The following ADARB1 variants were observed in gnomAD, a reference collection of about 807,000 sequenced individuals.
The protein encoded by ADARB1 is adenosine deaminase RNA specific B1.
ADARB1 carries 10 observed loss-of-function variants against 52.4 expected under a neutral mutation model. That is an observed-to-expected ratio of 0.19 (90% CI 0.12 to 0.32). The LOEUF is 0.32. Among genes scored for constraint, ADARB1 ranks in the 10% least tolerant of loss-of-function variants. ADARB1 has a pLI of 1.00. For missense variants in ADARB1, 643 were observed against 922.3 expected (o/e 0.70, Z 3.92); for synonymous variants, 349 against 371.1 (o/e 0.94, Z 0.68).
chr21:45,078,108 A>T (rs777909895), intron 1 of ADARB1, among the ~76,000 whole-genome samples: 1 of 151,814 alleles, frequency 6.6e-6, no homozygotes, highest in Non-Finnish European at 1.5e-5. Context: ...TTCCACCTGT[A>T]TGCCTATAAG....
chr21:45,129,290 G>C (rs757658593), intron 2 of ADARB1, among the ~76,000 whole-genome samples: 1 of 152,084 alleles, frequency 6.6e-6, no homozygotes, highest in Admixed American at 6.5e-5. Flanking sequence ...ATGATTCAGC[G>C]TCTGCTTTTG....
chr21:45,187,732 T>A (rs966012118), intron 8 of ADARB1, among the ~76,000 whole-genome samples: 4 of 152,266 alleles, frequency 2.6e-5, no homozygotes, highest in African/African-American at 7.2e-5. Context: ...AGAAAGGGTG[T>A]TAAATCTTGT....
intron 2 of ADARB1, among the ~76,000 whole-genome samples, chr21:45,148,614 A>C (rs1019430405): frequency 7.9e-5 from 12 of 152,202 alleles, no homozygotes; most frequent in African/African-American, 2.9e-4. Context: ...GTGAAAAATC[A>C]GGGCTCTGAG....
chr21:45,119,577 C>A (rs960898432), intron 1 of ADARB1, among the ~76,000 whole-genome samples: 3 of 152,122 alleles, frequency 2.0e-5, no homozygotes, highest in Non-Finnish European at 4.4e-5. Context: ...AAGAGTGTGG[C>A]CATAAACTTA....
intron 9 of ADARB1, among the ~76,000 whole-genome samples, chr21:45,211,770 G>A (rs190642934): frequency 1.2e-4 from 19 of 152,252 alleles, no homozygotes; most frequent in Admixed American, 1.1e-3. Context: ...TGCTTTTATT[G>A]GTTTCTGTAC....
chr21:45,104,616 T>C (rs777509288), intron 1 of ADARB1, among the ~76,000 whole-genome samples: 3 of 152,194 alleles, frequency 2.0e-5, no homozygotes, highest in Non-Finnish European at 4.4e-5. Flanking sequence ...TCTAGCAAAG[T>C]TGAGGTGGTC....
chr21:45,096,975 G>A (rs2086791465), intron 1 of ADARB1, among the ~76,000 whole-genome samples: 1 of 152,064 alleles, frequency 6.6e-6, no homozygotes, highest in African/African-American at 2.4e-5. Context: ...TCCTGACCTT[G>A]TGATCCACCC....
At chr21:45,160,868 G>A (rs1001323241) in intron 2 of ADARB1, among the ~76,000 whole-genome samples, 1 of 152,198 alleles carries the variant, frequency 6.6e-6, no homozygotes, top group Non-Finnish European at 1.5e-5. Context: ...GACTTACATA[G>A]AAGGTGTGCA....
chr21:45,182,123 A>G (rs888329986), intron 5 of ADARB1, among the ~76,000 whole-genome samples: 2 of 152,244 alleles, frequency 1.3e-5, no homozygotes, highest in African/African-American at 4.8e-5. Flanking sequence ...AAACATCACA[A>G]GTTAATTCTG....
At position 45,150,886 on chromosome 21, in the gene ADARB1, G is replaced by A. The variant is rs1470516177; in HGVS notation, c.-47-20724G>A. On this transcript the variant is annotated intron_variant, in intron 2 of 10. Transcript: ENST00000348831. ...GTGCCAGGAGCCCAACACAAATTCA[G>A]GCACAAATTCAGTACACCACACAAT... 2.6e-5 allele frequency among the ~76,000 whole-genome samples: 4 copies of A among 152,270 alleles called. No homozygotes were observed. In the East Asian group the frequency reaches 7.7e-4, roughly 29 times the overall value.
In ADARB1 at chr21:45,123,767, AG is replaced by A. The variant is rs372085238; in HGVS notation, c.-219-4634del. 4.2e-3 allele frequency among the ~76,000 whole-genome samples: 632 copies of A among 151,382 alleles called. 4 individuals carry two copies. The highest frequency in any genetic ancestry group is 0.015 in the African/African-American group (599 of 41,172). On this transcript the variant is annotated intron_variant, in intron 1 of 10. Coordinates refer to ENST00000348831, the MANE Select transcript of ADARB1 (RefSeq NM_001112.4). ...AGGTGCACACCAGCATGCCTCGCTG[AG>A]TTTTTAATTTTTTGTAGAGATGGGG...
chr21:45,129,103 C>A (rs879870846), intron 2 of ADARB1, among the ~76,000 whole-genome samples: 16 of 151,962 alleles, frequency 1.1e-4, no homozygotes, highest in Non-Finnish European at 2.1e-4. Flanking sequence ...TGATGGTGCA[C>A]GCTTGTAGTC....
In ADARB1 at chr21:45,221,916, A is replaced by G. The variant is rs2092971701; in HGVS notation, c.1927-102A>G. 7.6e-7 allele frequency: 1 copy of G among 1,314,840 alleles called. No homozygotes were observed. Among genetic ancestry groups the G allele is most frequent in the South Asian group, 1.4e-5 (1 of 70,006 alleles). The allele number at this position is 1,314,840 out of a possible 1,614,324, so 81.4% of individuals were successfully genotyped here. A position where few individuals can be genotyped will look rare whatever the true frequency, so the allele number is the denominator to read the frequency against. ...TTCCTCTGGGTTGCTTTCCCCCCAG[A>G]AGCCAATGCAGTTCTGAAGGCCATG... On this transcript the variant is annotated intron_variant, in intron 10 of 10. Transcript: ENST00000348831. The surrounding 1 kb of genome is among the most constrained non-coding windows in gnomAD (Gnocchi z 4.9).
chr21:45,137,959 C>G (rs2089485775), intron 2 of ADARB1, among the ~76,000 whole-genome samples: 1 of 152,246 alleles, frequency 6.6e-6, no homozygotes, highest in South Asian at 2.1e-4. Context: ...AAAGGGCAGA[C>G]CTGTGCTTAA....
At chr21:45,134,517 G>T (rs1385877350) in intron 2 of ADARB1, among the ~76,000 whole-genome samples, 2 of 151,022 alleles carry the variant, frequency 1.3e-5, no homozygotes, top group Admixed American at 1.3e-4. Flanking sequence ...TGCCTGACGT[G>T]TGTGTGTGTC....
chr21:45,179,830 TTC>T (rs1480352169), intron 4 of ADARB1, among the ~76,000 whole-genome samples: 3 of 152,072 alleles, frequency 2.0e-5, no homozygotes, highest in African/African-American at 7.2e-5. Context: ...AGCTGCCCCT[TTC>T]TCTTGCCTTT....
intron 1 of ADARB1, chr21:45,120,844 T>A (rs1193093734): frequency 6.6e-6 from 1 of 152,248 alleles, no homozygotes; most frequent in Admixed American, 6.5e-5. Context: ...AATGGAAATT[T>A]ACAAAAATAC....
chr21:45,147,724 C>T (rs980875634), intron 2 of ADARB1, among the ~76,000 whole-genome samples: 11 of 152,300 alleles, frequency 7.2e-5, no homozygotes, highest in South Asian at 6.2e-4. Context: ...TGTTGCTCAG[C>T]GCGTTCTGCA....
intron 2 of ADARB1, among the ~76,000 whole-genome samples, chr21:45,138,376 G>A (rs559364971): frequency 6.3e-4 from 96 of 152,298 alleles, no homozygotes; most frequent in African/African-American, 2.1e-3. Context: ...TTCTTATGTC[G>A]TAAGTAATCC....
Sources: allele counts gnomAD v4.1 joint callset (sites outside exome capture counted in the v4.1 genomes callset), GRCh38; gene constraint gnomAD v4.1.1; non-coding constraint Gnocchi (gnomAD v3.1); transcripts MANE v1.5; gene names NCBI Gene and HGNC (gene_info 2026-07-23, HGNC 2026-07-21).